The following TADA3 variants were observed in gnomAD, a reference collection of about 807,000 sequenced individuals.
TADA3 encodes transcriptional adaptor 3, also known as transcriptional adapter 3.
A neutral mutation model predicts 43.2 loss-of-function variants in TADA3; 25 were observed. The ratio of observed to expected loss-of-function variants is 0.58; its 90% CI spans 0.42 to 0.81. TADA3 has a LOEUF of 0.81. Among genes scored for constraint, TADA3 ranks in the 30% least tolerant of loss-of-function variants. The probability of loss-of-function intolerance (pLI) is 0.00; values close to 1 mark genes in which losing one functional copy is unlikely to be tolerated. For missense variants in TADA3, 441 were observed against 567.8 expected (o/e 0.78, Z 2.27); for synonymous variants, 235 against 225.5 (o/e 1.04, Z -0.38).
At chr3:9,785,280 G>A (rs753720036) in intron 7 of TADA3, 36 bp downstream of exon 7, 30 of 1,531,400 alleles carry the variant, frequency 2.0e-5, no homozygotes, top group African/African-American at 5.5e-5. Context: ...CAGAAGCGGG[G>A]GCCAGACTGT....
Position 9,789,891 on chromosome 3 carries a change from C to T in TADA3, c.280G>A (p.Ala94Thr). ...TTGGGCTTCCCATGTTTGGGGGGAG[C>T]TCCAAGTTCATGGTCTCGACCCAGC... ...LKLGRDHELG[A>T]PPKHGKPKKQ... The change falls in exon 3 of 9, where the codon GCT becomes ACT. Residue 94 changes from alanine to threonine, a missense_variant. Coordinates refer to ENST00000301964, the MANE Select transcript of TADA3 (RefSeq NM_006354.5). The T allele has an allele frequency of 6.2e-7, 1 of 1,614,224 alleles. No individual in the cohort carries two copies. The highest frequency in any genetic ancestry group is 8.5e-7 in the Non-Finnish European group (1 of 1,180,036).
rs1457316595 is a variant in TADA3 at position 9,786,877 on chromosome 3, GT to G, written c.810+128del. ...AATCTTTTGCTATATATTAGTCCAGGTTTTTACTTTTGCACCAACCTATTTT... is the reference window on the plus strand; with the variant it reads ...AATCTTTTGCTATATATTAGTCCAGGTTTTACTTTTGCACCAACCTATTTT... On this transcript the variant is annotated intron_variant, in intron 6 of 8. Transcript: ENST00000301964. 2.3e-5 allele frequency: 18 copies of G among 796,524 alleles called. No homozygotes were observed. The African/African-American group carries it at 2.8e-4, about 12-fold the overall frequency. 49.3% of individuals were successfully genotyped at this position (796,524 alleles called of 1,614,324 possible). A position where few individuals can be genotyped will look rare whatever the true frequency, so the allele number is the denominator to read the frequency against.
At chr3:9,786,523 T>C (rs1359158373) in intron 6 of TADA3, among the ~76,000 whole-genome samples, 1 of 152,210 alleles carries the variant, frequency 6.6e-6, no homozygotes, top group Non-Finnish European at 1.5e-5. Flanking sequence ...AAGCTAGGGT[T>C]TGAATCCTGG....
chr3:9,792,541 T>C, upstream of TADA3: 1 of 1,224,606 alleles, frequency 8.2e-7, no homozygotes, highest in Non-Finnish European at 1.0e-6. Flanking sequence ...CTACTGGAGT[T>C]TGCCGGGGGT....
intron 4 of TADA3, 157 bp from the exon 5 acceptor site, chr3:9,787,497 C>CGAAAAAAAAA: frequency 1.8e-6 from 2 of 1,130,298 alleles, no homozygotes; most frequent in African/African-American, 3.1e-5. Context: ...GAAGATAAAA[C>CGAAAAAAAAA]CTGTACTTCA....
chr3:9,781,324 C>T (rs1413483458), intron 8 of TADA3, among the ~76,000 whole-genome samples: 2 of 152,008 alleles, frequency 1.3e-5, no homozygotes, highest in South Asian at 2.1e-4. Flanking sequence ...CACACACACA[C>T]AGGCACACCC....
intron 8 of TADA3, chr3:9,781,727 C>A: frequency 2.5e-6 from 1 of 408,032 alleles, no homozygotes. Flanking sequence ...GAAGGAGATG[C>A]TCAGGTCAGG....
chr3:9,780,378 G>A lies in TADA3; in HGVS notation c.1278C>T (p.Ile426=), dbSNP rs151016881. Residue 426 remains isoleucine, a synonymous_variant, in exon 9 of 9, where the codon ATC becomes ATT. Transcript: ENST00000301964. ...AGGGCTACCCATCCAGCAGCTTCAG[G>A]ATGCTCTCACGCTCCTTCAGAGTCT... ...AWKTLKERES[I]LKLLDG 2.5e-6 allele frequency: 4 copies of A among 1,613,090 alleles called. No individual in the cohort carries two copies. The highest frequency in any genetic ancestry group is 3.4e-6 in the Non-Finnish European group (4 of 1,179,720).
intron 7 of TADA3, 139 bp from the exon 8 acceptor site, chr3:9,784,352 AG>A (rs879403557): frequency 8.9e-7 from 1 of 1,120,204 alleles, no homozygotes; most frequent in Non-Finnish European, 1.2e-6. Context: ...CCAGATACAA[AG>A]GGAGGGACAG....
At chr3:9,788,617 G>A (rs1031131857) in intron 4 of TADA3, among the ~76,000 whole-genome samples, 1 of 151,444 alleles carries the variant, frequency 6.6e-6, no homozygotes, top group Non-Finnish European at 1.5e-5. Flanking sequence ...TTGGCTCATT[G>A]CAACCGATGC....
rs777712908 is a variant in TADA3 at position 9,784,233 on chromosome 3, C to T, written c.921-20G>A. ...GGCACACTGCAGCGGGAGGCAGGCC[C>T]GTCAGACTCAAGAGCCAGCTTGGAG... is the stretch of plus-strand genomic sequence containing the variant. On this transcript the variant is annotated intron_variant, in intron 7 of 8. Coordinates refer to ENST00000301964, the MANE Select transcript of TADA3 (RefSeq NM_006354.5). The T allele has an allele frequency of 8.8e-6, 14 of 1,591,118 alleles. No homozygotes were observed. In the East Asian group the frequency reaches 9.0e-5, roughly 10 times the overall value.
chr3:9,782,096 C>T (rs1014043702), intron 8 of TADA3, among the ~76,000 whole-genome samples: 4 of 152,104 alleles, frequency 2.6e-5, no homozygotes, highest in African/African-American at 9.7e-5. Context: ...CCTCAGTCTC[C>T]CAAAGTGCTG....
upstream of TADA3, chr3:9,792,759 T>C: frequency 3.2e-6 from 4 of 1,245,532 alleles, no homozygotes; most frequent in Non-Finnish European, 4.0e-6. Context: ...AACGAAGGGC[T>C]CGTCCGCTTC....
Position 9,780,468 on chromosome 3 carries a change from G to C in TADA3, c.1188C>G (p.Arg396=), listed in dbSNP as rs2078432752. 6.2e-7 allele frequency: 1 copy of C among 1,611,732 alleles called. No individual in the cohort carries two copies. The highest frequency in any genetic ancestry group is 1.1e-5 in the South Asian group (1 of 91,074). Reference sequence around the variant, plus strand: ...TCTTCTGCCGGGCAGCCATGATCTTGCGAAAGGCGTCCATGACCTCGTTGT... The same window carrying C: ...TCTTCTGCCGGGCAGCCATGATCTTCCGAAAGGCGTCCATGACCTCGTTGT... ...MADNEVMDAF[R]KIMAARQKKR... The change falls in exon 9 of 9, where the codon CGC becomes CGG. Residue 396 remains arginine (R), a synonymous_variant. Coordinates refer to ENST00000301964, the MANE Select transcript of TADA3 (RefSeq NM_006354.5).
rs776791867 is a variant in TADA3 at position 9,789,709 on chromosome 3, G to A, written c.458+4C>T. The A allele has an allele frequency of 6.2e-7, 1 of 1,611,860 alleles. No homozygotes were observed. The highest frequency in any genetic ancestry group is 8.5e-7 in the Non-Finnish European group (1 of 1,178,252). On this transcript the variant is annotated splice_donor_region_variant and intron_variant, in intron 3 of 8. Transcript: ENST00000301964. ...GCCCCCTTCTATGTTCTCTAGCCCA[G>A]AACCTGTTGGGGGCATCATTTTTGG... is the stretch of plus-strand genomic sequence containing the variant.
At chr3:9,783,932 G>C (rs1191366044) in intron 8 of TADA3, 96 bp downstream of exon 8, 1 of 1,446,530 alleles carries the variant, frequency 6.9e-7, no homozygotes, top group African/African-American at 1.4e-5. Context: ...GGCCAGCCAG[G>C]ATTGGAAAGC....
intron 8 of TADA3, chr3:9,781,419 G>A (rs1045721477): frequency 4.6e-6 from 2 of 431,508 alleles, no homozygotes; most frequent in South Asian, 1.6e-5. Context: ...AGGAAAATGA[G>A]GCTCAAAGAT....
At chr3:9,792,989 AC>A, upstream of TADA3, 1 of 1,466,666 alleles carries the variant, frequency 6.8e-7, no homozygotes, top group Non-Finnish European at 9.0e-7. Flanking sequence ...AGGGCTCTCT[AC>A]CCCGCTCGGA....
At chr3:9,782,384 C>T (rs922790482) in intron 8 of TADA3, among the ~76,000 whole-genome samples, 4 of 152,174 alleles carry the variant, frequency 2.6e-5, no homozygotes, top group Admixed American at 6.5e-5. Flanking sequence ...TGGTAAACAA[C>T]GAAAATAGCT....
Sources: gnomAD v4.1 joint callset for allele counts (sites outside exome capture counted in the v4.1 genomes callset) on GRCh38, gnomAD v4.1.1 for gene constraint, MANE v1.5 for transcripts, NCBI Gene and HGNC (gene_info 2026-07-23, HGNC 2026-07-21) for gene names.